TMEM108: variants seen among roughly 807,000 people sequenced by gnomAD.
TMEM108 encodes the protein transmembrane protein 108.
Under a neutral mutation model 35.1 loss-of-function variants are expected in TMEM108, and 12 were observed. The observed-to-expected ratio is 0.34, with a 90% CI of 0.22 to 0.55. The LOEUF is 0.55. TMEM108 is among the 20% of genes least tolerant of loss of function. The probability of loss-of-function intolerance (pLI) is 0.89; values close to 1 mark genes in which losing one functional copy is unlikely to be tolerated. For synonymous variants in TMEM108, 287 were observed against 308.6 expected (o/e 0.93, Z 0.73); for missense variants, 680 against 753.3 (o/e 0.90, Z 1.14).
At chr3:133,046,852 AGG>A (rs1943345866) in intron 2 of TMEM108, among the ~76,000 whole-genome samples, 1 of 61,878 alleles carries the variant, frequency 1.6e-5, no homozygotes, top group African/African-American at 4.2e-5. Context: ...GAGGGATAGG[AGG>A]TTAAAGAAAC....
chr3:133,078,763 A>G (rs1467582085), intron 2 of TMEM108, among the ~76,000 whole-genome samples: 13 of 152,184 alleles, frequency 8.5e-5, no homozygotes, highest in Admixed American at 8.5e-4. Context: ...TAAATATGAA[A>G]TGTTTTTTTC....
At chr3:133,193,961 G>C (rs1576373803) in intron 2 of TMEM108, among the ~76,000 whole-genome samples, 1 of 138,184 alleles carries the variant, frequency 7.2e-6, no homozygotes, top group East Asian at 2.1e-4. Context: ...TTTTGAGACA[G>C]AGCCTCACTC....
intron 3 of TMEM108, among the ~76,000 whole-genome samples, chr3:133,249,470 C>T (rs1946435046): frequency 6.6e-6 from 1 of 152,170 alleles, no homozygotes; most frequent in African/African-American, 2.4e-5. Context: ...TTCCCTCCAC[C>T]TTCCAGTAGT....
intron 2 of TMEM108, among the ~76,000 whole-genome samples, chr3:133,150,851 T>C (rs1398464680): frequency 1.3e-5 from 2 of 152,076 alleles, no homozygotes; most frequent in South Asian, 2.1e-4. Context: ...CCACCTTCCT[T>C]TCCAAATACC....
chr3:133,272,650 G>A (rs11709601), intron 3 of TMEM108, among the ~76,000 whole-genome samples: 6,768 of 152,164 alleles, frequency 0.044, 190 homozygotes, highest in Non-Finnish European at 0.064. Context: ...CATTACACTA[G>A]GGGCAGGGGT....
chr3:133,302,944 G>A (rs920113486), intron 3 of TMEM108, among the ~76,000 whole-genome samples: 14 of 152,062 alleles, frequency 9.2e-5, no homozygotes, highest in African/African-American at 2.9e-4. Flanking sequence ...CTGAAGTTAG[G>A]TTGCAGATCA....
chr3:133,361,434 A>G (rs1209834006), intron 3 of TMEM108, among the ~76,000 whole-genome samples: 1 of 152,242 alleles, frequency 6.6e-6, no homozygotes, highest in Non-Finnish European at 1.5e-5. Flanking sequence ...GGGTTTAATG[A>G]GGTAGCGGAG....
Position 133,380,373 on chromosome 3 carries a change from A to G in TMEM108, c.662A>G (p.Lys221Arg). The change falls in exon 4 of 6, where the codon AAG becomes AGG. Residue 221 changes from lysine (K) to arginine (R), a missense_variant. By Grantham distance (26) the Lys-to-Arg change is conservative. This residue lies in a region of TMEM108 where 526 missense variants were observed against 532.1 expected (regional missense o/e 0.99). Coordinates refer to ENST00000321871, the MANE Select transcript of TMEM108 (RefSeq NM_023943.4). This position sits in a 1 kb window ranked among gnomAD's most constrained non-coding sequence, Gnocchi z 5.3. ...CTGGGGAAAATCTTTCAGATCTACA[A>G]GGGCAACTTCACAGGGTCTGTGGAA... Reference protein sequence around the residue: ...RPLGKIFQIYKGNFTGSVEPE... With the variant: ...RPLGKIFQIYRGNFTGSVEPE... 6.2e-7 allele frequency: 1 copy of G among 1,613,736 alleles called. No homozygotes were observed. Among genetic ancestry groups the G allele is most frequent in the Non-Finnish European group, 8.5e-7 (1 of 1,179,826 alleles).
intron 2 of TMEM108, among the ~76,000 whole-genome samples, chr3:133,124,326 G>C (rs1220173130): frequency 1.2e-4 from 18 of 152,172 alleles, no homozygotes; most frequent in Admixed American, 1.2e-3. Flanking sequence ...TGGCAAAATG[G>C]GATAAACCTG....
At chr3:133,064,795 A>G (rs78047731) in intron 2 of TMEM108, among the ~76,000 whole-genome samples, 3 of 152,032 alleles carry the variant, frequency 2.0e-5, no homozygotes, top group Non-Finnish European at 4.4e-5. Context: ...CTGATGAAAT[A>G]ATGGTTTCAC....
At chr3:133,221,536 A>T (rs928562364) in intron 2 of TMEM108, among the ~76,000 whole-genome samples, 2 of 151,702 alleles carry the variant, frequency 1.3e-5, no homozygotes, top group Admixed American at 6.6e-5. Context: ...CAGACTTACT[A>T]CTGTCACTTT....
chr3:133,176,347 A>G (rs1236670244), intron 2 of TMEM108, among the ~76,000 whole-genome samples: 1 of 152,162 alleles, frequency 6.6e-6, no homozygotes, highest in African/African-American at 2.4e-5. Flanking sequence ...AGAACTCTCC[A>G]CCCCAAATCA....
chr3:133,297,425 A>C (rs1168822224), intron 3 of TMEM108, among the ~76,000 whole-genome samples: 1 of 152,220 alleles, frequency 6.6e-6, no homozygotes, highest in Non-Finnish European at 1.5e-5. Context: ...GAAGAGAAGA[A>C]AATAGAAAGT....
chr3:133,148,599 A>G (rs1944754648), intron 2 of TMEM108, among the ~76,000 whole-genome samples: 1 of 152,198 alleles, frequency 6.6e-6, no homozygotes, highest in African/African-American at 2.4e-5. Flanking sequence ...TATAAATCCT[A>G]TTAACAGGAC....
intron 2 of TMEM108, among the ~76,000 whole-genome samples, chr3:133,197,556 AG>A (rs1945596913): frequency 6.6e-6 from 1 of 152,194 alleles, no homozygotes; most frequent in African/African-American, 2.4e-5. Context: ...ACTTGCCCCC[AG>A]GGATATTAAC....
chr3:133,237,308 A>G (rs1200608205), intron 3 of TMEM108, among the ~76,000 whole-genome samples: 1 of 152,088 alleles, frequency 6.6e-6, no homozygotes, highest in Non-Finnish European at 1.5e-5. Flanking sequence ...GCATTTGGAT[A>G]CTAGCAATAC....
chr3:133,177,965 T>C (rs1390124156), intron 2 of TMEM108, among the ~76,000 whole-genome samples: 2 of 152,140 alleles, frequency 1.3e-5, no homozygotes, highest in Admixed American at 1.3e-4. Flanking sequence ...TTCAACAAAG[T>C]CTCAGGATGC....
chr3:133,365,726 T>C (rs1005068241), intron 3 of TMEM108, among the ~76,000 whole-genome samples: 3 of 152,186 alleles, frequency 2.0e-5, no homozygotes, highest in Non-Finnish European at 2.9e-5. Flanking sequence ...GGTCTTATTT[T>C]CTTGGGCTCA....
intron 3 of TMEM108, chr3:133,248,711 T>C (rs986118325): frequency 3.3e-5 from 5 of 152,168 alleles, no homozygotes; most frequent in African/African-American, 9.7e-5. Flanking sequence ...TGGCAGTGGG[T>C]TATTCCTTTT....
Sources: gnomAD v4.1 joint callset for allele counts (sites outside exome capture counted in the v4.1 genomes callset) on GRCh38, gnomAD v4.1.1 for gene constraint, gnomAD v4.1.1 regional missense constraint, Gnocchi (gnomAD v3.1) non-coding constraint, MANE v1.5 for transcripts, NCBI Gene and HGNC (gene_info 2026-07-23, HGNC 2026-07-21) for gene names.